MNS1: variants seen among roughly 807,000 people sequenced by gnomAD.
MNS1 encodes meiosis specific nuclear structural 1.
In MNS1, 63 loss-of-function variants were observed where a neutral mutation model predicts 72.0. The ratio of observed to expected loss-of-function variants is 0.87; its 90% CI spans 0.71 to 1.08. MNS1 has a LOEUF of 1.08. MNS1 is among the 50% of genes least tolerant of loss of function. MNS1 has a pLI of 0.00. For synonymous variants in MNS1, 188 were observed against 172.1 expected (o/e 1.09, Z -0.72); for missense variants, 604 against 562.4 (o/e 1.07, Z -0.75).
In MNS1 at chr15:56,434,325, T is replaced by C. The variant is rs767227909; in HGVS notation, c.1082A>G (p.Lys361Arg). The change falls in exon 8 of 10, where the codon AAG (lysine) becomes AGG (arginine). Residue 361 changes from lysine (K) to arginine (R), a missense_variant. Physicochemically the swap from Lys to Arg is conservative, Grantham distance 26. Transcript: ENST00000260453. ...TTTTGCAGCCTGTAGCACTAATTCC[T>C]TCAAGGCCATTTGTTCTTCAAAATC... ...KQDFEEQMAL[K>R]ELVLQAAKEE... The C allele has an allele frequency of 6.2e-6, 10 of 1,613,658 alleles. No individual in the cohort carries two copies. The highest frequency in any genetic ancestry group is 8.5e-6 in the Non-Finnish European group (10 of 1,179,854).
At chr15:56,454,268 AT>A (rs2050966669) in intron 3 of MNS1, among the ~76,000 whole-genome samples, 1 of 152,198 alleles carries the variant, frequency 6.6e-6, no homozygotes, top group Non-Finnish European at 1.5e-5. Flanking sequence ...TACATGAGAC[AT>A]TTTGATATAG....
chr15:56,437,208 A>G (rs2050741791), intron 7 of MNS1, among the ~76,000 whole-genome samples: 3 of 152,104 alleles, frequency 2.0e-5, no homozygotes. Flanking sequence ...TTGATGCAAA[A>G]CTCCGCAATA....
At chr15:56,442,730 C>G (rs911309257) in intron 7 of MNS1, among the ~76,000 whole-genome samples, 1 of 152,164 alleles carries the variant, frequency 6.6e-6, no homozygotes. Context: ...ACACTGGGGC[C>G]TACTTGAGGG....
chr15:56,443,154 C>T (rs1431932525), intron 7 of MNS1, among the ~76,000 whole-genome samples: 4 of 152,158 alleles, frequency 2.6e-5, no homozygotes, highest in African/African-American at 9.7e-5. Context: ...ACGTATCTTT[C>T]ACCATCCTTT....
chr15:56,431,130 G>C (rs2050581258), intron 9 of MNS1, among the ~76,000 whole-genome samples: 1 of 152,154 alleles, frequency 6.6e-6, no homozygotes, highest in Non-Finnish European at 1.5e-5. Context: ...CTCCAGCCTG[G>C]GCGATAAATA....
chr15:56,447,061 T>G, intron 3 of MNS1, 118 bp from the exon 4 acceptor site: 1 of 671,634 alleles, frequency 1.5e-6, no homozygotes, highest in Non-Finnish European at 2.5e-6. Flanking sequence ...GCGGGTATTA[T>G]TTTAGATCCA....
chr15:56,436,487 G>A (rs1392014961), intron 7 of MNS1, among the ~76,000 whole-genome samples: 1 of 152,094 alleles, frequency 6.6e-6, no homozygotes, highest in Non-Finnish European at 1.5e-5. Flanking sequence ...AGCACTAAAT[G>A]CCCACAAGAA....
chr15:56,446,237 T>C (rs1459016835), intron 4 of MNS1, among the ~76,000 whole-genome samples: 1 of 152,000 alleles, frequency 6.6e-6, no homozygotes, highest in African/African-American at 2.4e-5. Context: ...TGTTTGATAA[T>C]GAGAGCTCAA....
At chr15:56,432,915 G>T (rs1449121263) in intron 8 of MNS1, among the ~76,000 whole-genome samples, 3 of 152,050 alleles carry the variant, frequency 2.0e-5, no homozygotes, top group African/African-American at 7.2e-5. Flanking sequence ...TCTTCCTACC[G>T]ATTTTCAAAA....
intron 7 of MNS1, among the ~76,000 whole-genome samples, chr15:56,437,043 A>T (rs887974512): frequency 3.9e-5 from 6 of 152,350 alleles, no homozygotes; most frequent in Middle Eastern, 3.4e-3. Flanking sequence ...AGCTGGTATC[A>T]TTCCTTCTGA....
At position 56,465,127 on chromosome 15, in the gene MNS1, C is replaced by T. The variant is rs538472512; in HGVS notation, c.-155G>A. The T allele has an allele frequency of 1.0e-5, 10 of 963,474 alleles. No homozygotes were observed. In the East Asian group the frequency reaches 1.5e-4, roughly 14 times the overall value. The allele number at this position is 963,474 out of a possible 1,614,324, so 59.7% of individuals were successfully genotyped here. A position where few individuals can be genotyped will look rare whatever the true frequency, so the allele number is the denominator to read the frequency against. On this transcript the variant is annotated 5_prime_UTR_variant, in exon 1 of 10. Transcript: ENST00000260453. ...ACGGTGGAGCTGCGCGCCCTCCGCT[C>T]GACCAAAAGTGACCCACGCAGAACG... is the stretch of plus-strand genomic sequence containing the variant.
Position 56,444,526 on chromosome 15 carries a change from T to A in MNS1, c.604A>T (p.Lys202Ter), listed in dbSNP as rs2050874275. The A allele has an allele frequency of 1.2e-6, 2 of 1,609,990 alleles. No individual in the cohort carries two copies. The highest frequency in any genetic ancestry group is 1.7e-6 in the Non-Finnish European group (2 of 1,177,976). Residue 202 changes from lysine to a stop codon, truncating the protein, a stop_gained, in exon 5 of 10, where the codon AAG becomes TAG. Transcript: ENST00000260453. LOFTEE classifies it high-confidence loss of function. ...EKQLEEQEKK[K>*]QEAYEQLLKE... ...AGCAGCTGCTCATAAGCTTCCTGCT[T>A]TTTTTTTTCTTGTTCTTCAAGTTGT...
Position 56,431,830 on chromosome 15 carries a change from G to C in MNS1, c.1270-332C>G, listed in dbSNP as rs146269493. 6.3e-4 allele frequency among the ~76,000 whole-genome samples: 95 copies of C among 151,934 alleles called. 2 individuals are homozygous for C. In the East Asian group the frequency reaches 0.017, roughly 27 times the overall value. ...ACTGAATGCTTACCATATACCAGAT[G>C]CTGAAGAGTTTACAGTGTAAAACAA... is the stretch of plus-strand genomic sequence containing the variant. On this transcript the variant is annotated intron_variant, in intron 8 of 9. Transcript: ENST00000260453.
At chr15:56,443,128 C>G (rs937633949) in intron 7 of MNS1, among the ~76,000 whole-genome samples, 1 of 152,126 alleles carries the variant, frequency 6.6e-6, no homozygotes, top group African/African-American at 2.4e-5. Flanking sequence ...CTACTTTTGA[C>G]TAGTGTCTGT....
intron 2 of MNS1, among the ~76,000 whole-genome samples, chr15:56,460,427 A>G (rs1176123125): frequency 6.6e-6 from 1 of 152,182 alleles, no homozygotes; most frequent in Non-Finnish European, 1.5e-5. Flanking sequence ...ATACATGACA[A>G]CTAAATGCAA....
At chr15:56,461,658 C>T (rs1347668091) in intron 2 of MNS1, among the ~76,000 whole-genome samples, 1 of 61,186 alleles carries the variant, frequency 1.6e-5, no homozygotes, top group Non-Finnish European at 2.9e-5. Flanking sequence ...AAGACTCTGT[C>T]TCAAAAAAAA....
In MNS1 at chr15:56,443,663, T is replaced by C. The variant is rs781726494; in HGVS notation, c.878A>G (p.Glu293Gly). 1.2e-6 allele frequency: 2 copies of C among 1,613,116 alleles called. No individual in the cohort carries two copies. Among genetic ancestry groups the C allele is most frequent in the African/African-American group, 2.7e-5 (2 of 74,902 alleles). ...DRMAKVQENE[E>G]KRLQLQNALT... ...CGCATTCTGAAGCTGTAGCCTTTTC[T>C]CCTCATTTTCTTGAACTTTTGCCAT... The change falls in exon 6 of 10, where the codon GAG becomes GGG. Residue 293 changes from glutamate (E) to glycine (G), a missense_variant. Transcript: ENST00000260453.
At chr15:56,435,514 A>C (rs2050707256) in intron 7 of MNS1, among the ~76,000 whole-genome samples, 1 of 152,008 alleles carries the variant, frequency 6.6e-6, no homozygotes. Flanking sequence ...TACAGACATC[A>C]AAAGGATAAT....
At chr15:56,458,590 C>A (rs1596268486) in intron 2 of MNS1, among the ~76,000 whole-genome samples, 1 of 151,876 alleles carries the variant, frequency 6.6e-6, no homozygotes, top group Admixed American at 6.6e-5. Context: ...CCCTAAAAAT[C>A]CTCTGTGATC....
Sources: allele counts gnomAD v4.1 joint callset (sites outside exome capture counted in the v4.1 genomes callset), GRCh38; gene constraint gnomAD v4.1.1; transcripts MANE v1.5; gene names NCBI Gene and HGNC (gene_info 2026-07-23, HGNC 2026-07-21).